The following ABLIM1 variants were observed in gnomAD, a reference collection of about 807,000 sequenced individuals.
ABLIM1 encodes the protein actin binding LIM protein 1.
ABLIM1 carries 40 observed loss-of-function variants against 107.0 expected under a neutral mutation model. The ratio of observed to expected loss-of-function variants is 0.37; its 90% confidence interval spans 0.29 to 0.49. The LOEUF (loss-of-function observed/expected upper bound fraction) is 0.49, where lower values mean the gene tolerates loss of function less well. Among genes scored for constraint, ABLIM1 ranks in the 20% least tolerant of loss-of-function variants. ABLIM1 has a pLI of 0.97. For synonymous variants in ABLIM1, 357 were observed against 357.3 expected, an observed-to-expected ratio of 1.00 and a Z score of 0.01; for missense variants, 857 against 1,008.5, an observed-to-expected ratio of 0.85 and a Z score of 2.04.
intron 4 of ABLIM1, among the ~76,000 whole-genome samples, chr10:114,556,446 A>G (rs924742502): frequency 6.6e-6 from 1 of 152,168 alleles, no homozygotes; most frequent in African/African-American, 2.4e-5. Context: ...ATCCCTCCAT[A>G]AGTGTGTCAG....
upstream of ABLIM1, among the ~76,000 whole-genome samples, chr10:114,772,064 C>T (rs368426420): frequency 6.6e-6 from 1 of 152,124 alleles, no homozygotes. Flanking sequence ...TTCTGCATAA[C>T]TTCAAGCTTA....
At chr10:114,758,063 C>T (rs979976372) in intron 1 of ABLIM1, among the ~76,000 whole-genome samples, 6 of 152,140 alleles carry the variant, frequency 3.9e-5, no homozygotes, top group African/African-American at 1.4e-4. Flanking sequence ...TGAAATGTCG[C>T]TTTATCAAAG....
At chr10:114,600,557 C>T (rs1381619322) in intron 2 of ABLIM1, among the ~76,000 whole-genome samples, 1 of 152,156 alleles carries the variant, frequency 6.6e-6, no homozygotes, top group Non-Finnish European at 1.5e-5. Flanking sequence ...CTGGAACCTA[C>T]CCAAGAGCCC....
chr10:114,560,517 T>C (rs2069544018), intron 4 of ABLIM1, among the ~76,000 whole-genome samples: 1 of 152,240 alleles, frequency 6.6e-6, no homozygotes, highest in African/African-American at 2.4e-5. Flanking sequence ...CTTATCGTGT[T>C]ATAACTGCCT....
At chr10:114,466,094 C>CT (rs1418347373) in intron 11 of ABLIM1, among the ~76,000 whole-genome samples, 1 of 152,138 alleles carries the variant, frequency 6.6e-6, no homozygotes, top group Non-Finnish European at 1.5e-5. Context: ...GATCTCAGCA[C>CT]TTTGGGGGGC....
At chr10:114,680,707 G>A (rs2080711031) in intron 1 of ABLIM1, among the ~76,000 whole-genome samples, 1 of 152,156 alleles carries the variant, frequency 6.6e-6, no homozygotes, top group African/African-American at 2.4e-5. Flanking sequence ...ATCTTTAGAT[G>A]ATGACATCCT....
intron 6 of ABLIM1, among the ~76,000 whole-genome samples, chr10:114,535,485 A>G (rs1159612402): frequency 6.6e-6 from 1 of 152,052 alleles, no homozygotes; most frequent in Non-Finnish European, 1.5e-5. Context: ...TAATTTTTGT[A>G]CTTTTAGTAG....
intron 1 of ABLIM1, among the ~76,000 whole-genome samples, chr10:114,714,968 T>C (rs2081629805): frequency 6.6e-6 from 1 of 151,936 alleles, no homozygotes; most frequent in Non-Finnish European, 1.5e-5. Context: ...CAAGAGTGAC[T>C]CCAATGTCAA....
intron 1 of ABLIM1, among the ~76,000 whole-genome samples, chr10:114,704,298 CTCTCTATATATATATATA>C (rs1420532510): frequency 4.5e-4 from 13 of 28,746 alleles, no homozygotes; most frequent in Middle Eastern, 0.023. Flanking sequence ...CTCTCTCTCT[CTCTCTATATATATATATA>C]TATATATATA....
intron 1 of ABLIM1, among the ~76,000 whole-genome samples, chr10:114,650,990 A>G (rs1299106710): frequency 6.6e-6 from 1 of 152,172 alleles, no homozygotes; most frequent in Non-Finnish European, 1.5e-5. Flanking sequence ...AGGCTCGGAC[A>G]TATTAAGTCA....
chr10:114,460,532 C>T (rs553817497), intron 12 of ABLIM1, among the ~76,000 whole-genome samples: 4 of 152,222 alleles, frequency 2.6e-5, no homozygotes, highest in Admixed American at 6.5e-5. Flanking sequence ...AGCTGGGAGG[C>T]GGAGGCTGCA....
chr10:114,567,724 A>C (rs1195364341), intron 4 of ABLIM1, among the ~76,000 whole-genome samples: 1 of 152,176 alleles, frequency 6.6e-6, no homozygotes, highest in African/African-American at 2.4e-5. Flanking sequence ...TTCCCCTCCT[A>C]TTTAGAGATG....
At chr10:114,693,581 G>A (rs559155092) in intron 1 of ABLIM1, among the ~76,000 whole-genome samples, 24 of 152,232 alleles carry the variant, frequency 1.6e-4, no homozygotes, top group African/African-American at 5.1e-4. Context: ...CCATATAAGC[G>A]CAGGCTTGCA....
intron 1 of ABLIM1, among the ~76,000 whole-genome samples, chr10:114,655,464 C>T (rs1172740479): frequency 6.6e-6 from 1 of 152,200 alleles, no homozygotes; most frequent in Non-Finnish European, 1.5e-5. Flanking sequence ...AACAGTGGCT[C>T]ATTCCAAAAA....
At chr10:114,578,809 G>T (rs1435314917) in intron 2 of ABLIM1, among the ~76,000 whole-genome samples, 1 of 124,288 alleles carries the variant, frequency 8.0e-6, no homozygotes, top group Non-Finnish European at 1.6e-5. Context: ...TTTTGAGATG[G>T]AGTTTCACTC....
At chr10:114,645,964 A>G (rs934046038) in intron 1 of ABLIM1, among the ~76,000 whole-genome samples, 2 of 152,220 alleles carry the variant, frequency 1.3e-5, no homozygotes, top group Non-Finnish European at 2.9e-5. Flanking sequence ...ACAGCTGCAT[A>G]TTGCTACAAT....
At chr10:114,510,864 C>G (rs2061758113) in intron 6 of ABLIM1, among the ~76,000 whole-genome samples, 1 of 151,858 alleles carries the variant, frequency 6.6e-6, no homozygotes, top group African/African-American at 2.4e-5. Context: ...GTTGCCCAGG[C>G]TGGTCTCAAA....
intron 1 of ABLIM1, chr10:114,613,776 A>G: frequency 7.7e-7 from 1 of 1,292,306 alleles, no homozygotes; most frequent in Non-Finnish European, 1.0e-6. Context: ...ACTACTCTCT[A>G]AACACCTAGG....
the ABLIM1 span, among the ~76,000 whole-genome samples, chr10:114,781,664 G>GTATATATATATA: frequency 6.1e-4 from 87 of 143,346 alleles, 1 homozygote; most frequent in Non-Finnish European, 9.1e-4. Context: ...ATATATGCGT[G>GTATATATATATA]TATATATATA....
Sources: gnomAD v4.1 joint callset for allele counts (sites outside exome capture counted in the v4.1 genomes callset) on GRCh38, gnomAD v4.1.1 for gene constraint, MANE v1.5 for transcripts, NCBI Gene and HGNC (gene_info 2026-07-23, HGNC 2026-07-21) for gene names.